ERC1: variants seen among roughly 807,000 people sequenced by gnomAD.
The protein encoded by ERC1 is RAB6 interacting protein 2.
Under a neutral mutation model 132.0 loss-of-function variants are expected in ERC1, and 56 were observed. The ratio of observed to expected loss-of-function variants is 0.42; its 90% CI spans 0.34 to 0.53. The LOEUF (loss-of-function observed/expected upper bound fraction) is 0.53. Among genes scored for constraint, ERC1 ranks in the 20% least tolerant of loss-of-function variants. The pLI, the probability that ERC1 is intolerant of heterozygous loss-of-function variation, is 0.03. For missense variants in ERC1, 1,202 were observed against 1,349.9 expected (o/e 0.89, Z 1.72); for synonymous variants, 478 against 476.1 (o/e 1.00, Z -0.05).
At chr12:1,109,445 T>C (rs1039935403) in intron 4 of ERC1, among the ~76,000 whole-genome samples, 22 of 152,204 alleles carry the variant, frequency 1.4e-4, no homozygotes, top group African/African-American at 4.6e-4. Flanking sequence ...TTTGAAACCC[T>C]CTTACTTTTT....
intron 3 of ERC1, among the ~76,000 whole-genome samples, chr12:1,101,312 A>C (rs1944632237): frequency 6.6e-6 from 1 of 152,172 alleles, no homozygotes; most frequent in African/African-American, 2.4e-5. Context: ...GACAAGAATA[A>C]TGCCTCGAAT....
chr12:1,327,688 T>C (rs11061702), intron 15 of ERC1, among the ~76,000 whole-genome samples: 47,692 of 152,040 alleles, frequency 0.31, 11,251 homozygotes, highest in African/African-American at 0.66. Context: ...GCTATTAATA[T>C]ATGCTCATGA....
intron 12 of ERC1, chr12:1,204,628 G>T: frequency 1.0e-6 from 1 of 960,044 alleles, no homozygotes; most frequent in Non-Finnish European, 1.6e-6. Flanking sequence ...TAGAAATCTA[G>T]CTGTGAGGAT....
chr12:1,414,003 C>T (rs1258705859), intron 17 of ERC1, among the ~76,000 whole-genome samples: 1 of 152,144 alleles, frequency 6.6e-6, no homozygotes, highest in Non-Finnish European at 1.5e-5. Flanking sequence ...GTTAGATTCT[C>T]ATCAGGAGCG....
intron 13 of ERC1, among the ~76,000 whole-genome samples, chr12:1,259,429 G>A (rs1401036571): frequency 2.0e-5 from 3 of 151,088 alleles, no homozygotes; most frequent in East Asian, 1.9e-4. Context: ...ACTGAGGCAC[G>A]TAGTATATTA....
chr12:1,442,412 G>A (rs541660355), intron 17 of ERC1, among the ~76,000 whole-genome samples: 4 of 152,252 alleles, frequency 2.6e-5, no homozygotes, highest in South Asian at 4.1e-4. Context: ...AACTGGTACC[G>A]TAAACCTGCT....
intron 7 of ERC1, among the ~76,000 whole-genome samples, chr12:1,137,100 C>CTTTTTTTTTTTTTT (rs944757047): frequency 1.4e-4 from 17 of 122,896 alleles, no homozygotes; most frequent in Non-Finnish European, 1.5e-4. Flanking sequence ...TTTTTCTTTT[C>CTTTTTTTTTTTTTT]TTTTTTTTTT....
intron 14 of ERC1, among the ~76,000 whole-genome samples, chr12:1,271,087 AAAC>A (rs2077816090): frequency 6.6e-6 from 1 of 152,210 alleles, no homozygotes; most frequent in African/African-American, 2.4e-5. Context: ...TTTCGACGTA[AAAC>A]ATTTATATAT....
At chr12:1,082,473 G>GA (rs139831682) in intron 2 of ERC1, among the ~76,000 whole-genome samples, 2,574 of 122,006 alleles carry the variant, frequency 0.021, 77 homozygotes, top group Non-Finnish European at 0.033. Flanking sequence ...ATTTTTTGAT[G>GA]AAAAAAAAAA....
intron 13 of ERC1, among the ~76,000 whole-genome samples, chr12:1,254,250 C>T (rs1316947227): frequency 6.6e-6 from 1 of 152,174 alleles, no homozygotes; most frequent in East Asian, 1.9e-4. Context: ...GTCTGTGACA[C>T]ACAGTACATT....
At chr12:1,010,203 G>C (rs1431219366) in intron 1 of ERC1, among the ~76,000 whole-genome samples, 1 of 152,128 alleles carries the variant, frequency 6.6e-6, no homozygotes, top group Non-Finnish European at 1.5e-5. Context: ...AATATTGGCT[G>C]GGTGCCATGG....
intron 18 of ERC1, among the ~76,000 whole-genome samples, chr12:1,455,873 G>A (rs2093522684): frequency 6.6e-6 from 1 of 152,198 alleles, no homozygotes; most frequent in South Asian, 2.1e-4. Flanking sequence ...TTAAAAGGCA[G>A]TACTGAACAT....
chr12:1,251,884 T>G (rs1056354366), intron 13 of ERC1, among the ~76,000 whole-genome samples: 3 of 152,184 alleles, frequency 2.0e-5, no homozygotes, highest in Non-Finnish European at 4.4e-5. Context: ...AAGTTCTCAC[T>G]TTAGTGAAAT....
chr12:1,126,255 C>G (rs976397581), intron 7 of ERC1, among the ~76,000 whole-genome samples: 8 of 152,080 alleles, frequency 5.3e-5, no homozygotes, highest in Admixed American at 3.9e-4. Flanking sequence ...AATACAGAGT[C>G]ATAAACCAAA....
intron 16 of ERC1, chr12:1,391,132 C>T (rs1431013135): frequency 6.6e-6 from 1 of 152,234 alleles, no homozygotes; most frequent in East Asian, 1.9e-4. Flanking sequence ...GAGTGATTCT[C>T]AGTTGAAACC....
At chr12:1,317,168 G>GAAAAAA (rs139637325) in intron 15 of ERC1, among the ~76,000 whole-genome samples, 3 of 107,654 alleles carry the variant, frequency 2.8e-5, no homozygotes, top group Non-Finnish European at 2.0e-5. Context: ...TCTCAAAAAC[G>GAAAAAA]AAAAAAAAAA....
In ERC1 at chr12:1,420,621, G is replaced by C. The variant is rs202015693; in HGVS notation, c.3024+12374G>C. On this transcript the variant is annotated intron_variant, in intron 17 of 18. Coordinates refer to ENST00000360905, the MANE Select transcript of ERC1 (RefSeq NM_178040.4). ...CAGGCACCTGCCACCACGCCTGGCT[G>C]ATGTTTTGTATTTTTAGTAGAGATG... is the stretch of plus-strand genomic sequence containing the variant. Among the ~76,000 whole-genome samples the C allele has an allele frequency of 1.9e-4, 29 of 151,998 alleles. 1 individual carries two copies. The East Asian group carries it at 5.6e-3, about 29-fold the overall frequency.
At chr12:1,230,550 T>G (rs1349457937) in intron 12 of ERC1, among the ~76,000 whole-genome samples, 1 of 152,210 alleles carries the variant, frequency 6.6e-6, no homozygotes, top group Non-Finnish European at 1.5e-5. Context: ...ATATGTTTTC[T>G]GCTGCTGTTG....
At chr12:1,458,020 C>T (rs917222048) in intron 18 of ERC1, among the ~76,000 whole-genome samples, 9 of 152,228 alleles carry the variant, frequency 5.9e-5, no homozygotes, top group African/African-American at 2.2e-4. Context: ...GCCAAAATGA[C>T]TGGCAGGACA....
Sources: gnomAD v4.1 joint callset for allele counts (sites outside exome capture counted in the v4.1 genomes callset) on GRCh38, gnomAD v4.1.1 for gene constraint, MANE v1.5 for transcripts, NCBI Gene and HGNC (gene_info 2026-07-23, HGNC 2026-07-21) for gene names.